Variants in CADPS observed in about 807,000 individuals in gnomAD.
CADPS encodes calcium dependent secretion activator.
Under a neutral mutation model 167.3 loss-of-function variants are expected in CADPS, and 57 were observed. The ratio of observed to expected loss-of-function variants is 0.34; its 90% CI spans 0.28 to 0.42. CADPS has a LOEUF of 0.42. Ranked by LOEUF, CADPS falls within the 20% of genes least tolerant of loss-of-function variation. The pLI is 1.00. For missense variants in CADPS, 1,414 were observed against 1,738.1 expected, an observed-to-expected ratio of 0.81 and a Z score of 3.32; for synonymous variants, 676 against 635.3, an observed-to-expected ratio of 1.06 and a Z score of -0.96.
intron 2 of CADPS, among the ~76,000 whole-genome samples, chr3:62,762,129 A>G (rs770967467): frequency 6.6e-6 from 1 of 152,178 alleles, no homozygotes; most frequent in Non-Finnish European, 1.5e-5. Context: ...CTCTCCTTTC[A>G]TTTATTAAAA....
chr3:62,795,653 A>G (rs566710817), intron 1 of CADPS, among the ~76,000 whole-genome samples: 2 of 152,264 alleles, frequency 1.3e-5, no homozygotes, highest in African/African-American at 4.8e-5. Flanking sequence ...AGTGCCAGAC[A>G]TTGGAGGTCA....
At chr3:62,507,002 C>T (rs1342796774) in intron 17 of CADPS, among the ~76,000 whole-genome samples, 3 of 152,202 alleles carry the variant, frequency 2.0e-5, no homozygotes, top group Non-Finnish European at 4.4e-5. Context: ...AGACCAACTC[C>T]TTCATGGATT....
intron 3 of CADPS, among the ~76,000 whole-genome samples, chr3:62,729,938 G>A (rs188116713): frequency 1.0e-4 from 15 of 150,514 alleles, no homozygotes; most frequent in Middle Eastern, 3.4e-3. Flanking sequence ...AGTGGGTTGT[G>A]AGAGCAAGTG....
At chr3:62,818,518 T>C (rs1366447871) in intron 1 of CADPS, among the ~76,000 whole-genome samples, 1 of 152,110 alleles carries the variant, frequency 6.6e-6, no homozygotes, top group Non-Finnish European at 1.5e-5. Context: ...TTTGAACAGC[T>C]AAAATTAAAA....
intron 2 of CADPS, among the ~76,000 whole-genome samples, chr3:62,765,436 C>A (rs1191291982): frequency 6.6e-6 from 1 of 152,100 alleles, no homozygotes; most frequent in Non-Finnish European, 1.5e-5. Context: ...AAGCCACCAT[C>A]CTTGGGAGGT....
At chr3:62,716,869 C>T (rs954387155) in intron 3 of CADPS, among the ~76,000 whole-genome samples, 12 of 152,272 alleles carry the variant, frequency 7.9e-5, no homozygotes, top group Non-Finnish European at 1.5e-4. Context: ...TTTCTACTTT[C>T]CTGGTGGTAC....
At chr3:62,833,266 GC>G (rs2075389034) in intron 1 of CADPS, among the ~76,000 whole-genome samples, 1 of 151,912 alleles carries the variant, frequency 6.6e-6, no homozygotes, top group African/African-American at 2.4e-5. Context: ...TCCAACCTTA[GC>G]CTCTTGAATA....
intron 3 of CADPS, among the ~76,000 whole-genome samples, chr3:62,710,528 C>T (rs906994867): frequency 2.0e-5 from 3 of 152,034 alleles, no homozygotes; most frequent in African/African-American, 4.8e-5. Flanking sequence ...CACATTTAAC[C>T]ACAGGCCAGA....
At chr3:62,583,227 T>C (rs1430109362) in intron 8 of CADPS, among the ~76,000 whole-genome samples, 1 of 151,820 alleles carries the variant, frequency 6.6e-6, no homozygotes, top group Non-Finnish European at 1.5e-5. Context: ...CTGGTTCCTT[T>C]AGCAAATATT....
At chr3:62,828,496 G>GA (rs1474584655) in intron 1 of CADPS, among the ~76,000 whole-genome samples, 1 of 151,826 alleles carries the variant, frequency 6.6e-6, no homozygotes, top group African/African-American at 2.4e-5. Context: ...GCTTGAAAAA[G>GA]AAAAAAACAT....
chr3:62,457,835 A>G (rs906534585), intron 26 of CADPS, among the ~76,000 whole-genome samples: 11 of 152,190 alleles, frequency 7.2e-5, no homozygotes, highest in African/African-American at 2.7e-4. Context: ...TAACACAAGA[A>G]CAGAAAACCA....
chr3:62,594,206 G>C (rs1306001258), intron 6 of CADPS, among the ~76,000 whole-genome samples: 1 of 144,310 alleles, frequency 6.9e-6, no homozygotes, highest in African/African-American at 2.5e-5. Context: ...CTGTCGCCCA[G>C]GCTGGAGTGC....
intron 12 of CADPS, among the ~76,000 whole-genome samples, chr3:62,535,686 T>C (rs2152027405): frequency 6.6e-6 from 1 of 152,248 alleles, no homozygotes; most frequent in South Asian, 2.1e-4. Context: ...TAACAATTTA[T>C]GGCTTGAGGA....
chr3:62,663,472 C>T (rs2073769125), intron 3 of CADPS, among the ~76,000 whole-genome samples: 1 of 152,028 alleles, frequency 6.6e-6, no homozygotes, highest in Non-Finnish European at 1.5e-5. Flanking sequence ...GGAGCAGTGG[C>T]ATTTAAATAA....
chr3:62,495,209 A>C (rs1173083915), intron 18 of CADPS, among the ~76,000 whole-genome samples: 1 of 152,092 alleles, frequency 6.6e-6, no homozygotes, highest in Non-Finnish European at 1.5e-5. Context: ...AGAGAATTTA[A>C]ATTTGGGGAC....
At chr3:62,833,173 G>C (rs1302326453) in intron 1 of CADPS, among the ~76,000 whole-genome samples, 3 of 151,922 alleles carry the variant, frequency 2.0e-5, no homozygotes, top group Non-Finnish European at 4.4e-5. Context: ...TGATTGATTT[G>C]AGACAAGATT....
intron 6 of CADPS, among the ~76,000 whole-genome samples, chr3:62,613,266 C>T (rs891969715): frequency 3.9e-5 from 6 of 152,158 alleles, no homozygotes; most frequent in Non-Finnish European, 5.9e-5. Context: ...GCCCAGCATC[C>T]TAAAAGTATT....
chr3:62,472,553 T>C lies in CADPS; in HGVS notation c.3477+1620A>G, dbSNP rs73842405. On this transcript the variant is annotated intron_variant, in intron 24 of 29. Coordinates refer to ENST00000383710, the MANE Select transcript of CADPS (RefSeq NM_003716.4). ...AGGTGGGTGGTGGGCAGTGAAGAGG[T>C]GCAGAGCAGAGGGCCACCTGGCAGC... Among the ~76,000 whole-genome samples, 1,081 of 152,176 alleles carry C rather than the reference T, an allele frequency of 7.1e-3. 6 individuals carry two copies. The highest frequency in any genetic ancestry group is 0.025 in the African/African-American group (1,041 of 41,496).
At chr3:62,464,084 T>C (rs1369747328) in intron 26 of CADPS, among the ~76,000 whole-genome samples, 1 of 152,224 alleles carries the variant, frequency 6.6e-6, no homozygotes, top group African/African-American at 2.4e-5. Flanking sequence ...TTGCCATTTA[T>C]TGAACTCTAT....
Sources: allele counts gnomAD v4.1 joint callset (sites outside exome capture counted in the v4.1 genomes callset), GRCh38; gene constraint gnomAD v4.1.1; transcripts MANE v1.5; gene names NCBI Gene and HGNC (gene_info 2026-07-23, HGNC 2026-07-21).